The following PRKCH variants were observed in gnomAD, a reference collection of about 807,000 sequenced individuals.
PRKCH encodes protein kinase C eta, also known as protein kinase C eta type.
Under a neutral mutation model 82.5 loss-of-function variants are expected in PRKCH, and 28 were observed. The observed-to-expected ratio is 0.34, with a 90% CI of 0.25 to 0.47. PRKCH has a LOEUF of 0.47. PRKCH is among the 20% of genes least tolerant of loss of function. The pLI is 1.00. For synonymous variants in PRKCH, 322 were observed against 327.4 expected (o/e 0.98, Z 0.18); for missense variants, 705 against 881.8 (o/e 0.80, Z 2.54).
chr14:61,519,317 G>GAATGAATGAATA (rs547220185), intron 10 of PRKCH, among the ~76,000 whole-genome samples: 1 of 115,122 alleles, frequency 8.7e-6, no homozygotes, highest in East Asian at 2.6e-4. Context: ...ATGAATGAAT[G>GAATGAATGAATA]AATAAATAAA....
chr14:61,308,383 G>A (rs1351746298), intron 1 of PRKCH, among the ~76,000 whole-genome samples: 1 of 152,020 alleles, frequency 6.6e-6, no homozygotes, highest in Non-Finnish European at 1.5e-5. Context: ...TCAGTTGTTC[G>A]GACTCTTAAA....
At chr14:61,426,219 G>A (rs1883099978) in intron 2 of PRKCH, among the ~76,000 whole-genome samples, 1 of 152,160 alleles carries the variant, frequency 6.6e-6, no homozygotes, top group African/African-American at 2.4e-5. Context: ...ACTTTCATTT[G>A]GCTTCTTCAT....
intron 1 of PRKCH, among the ~76,000 whole-genome samples, chr14:61,220,941 G>A (rs1285351440): frequency 6.6e-6 from 1 of 152,154 alleles, no homozygotes; most frequent in Non-Finnish European, 1.5e-5. Context: ...CGGGAAAGGG[G>A]AAGGGTTGGC....
intron 9 of PRKCH, among the ~76,000 whole-genome samples, chr14:61,467,090 G>T (rs1566898696): frequency 6.6e-6 from 1 of 152,188 alleles, no homozygotes; most frequent in Non-Finnish European, 1.5e-5. Flanking sequence ...TAGCGAAGAA[G>T]TGGGAGAGGC....
intron 9 of PRKCH, among the ~76,000 whole-genome samples, chr14:61,480,839 G>C (rs1428247611): frequency 6.6e-6 from 1 of 152,180 alleles, no homozygotes; most frequent in African/African-American, 2.4e-5. Context: ...TCCAGCGCTT[G>C]ACAACCTGCC....
intron 2 of PRKCH, among the ~76,000 whole-genome samples, chr14:61,408,789 C>A (rs1882100254): frequency 6.6e-6 from 1 of 152,164 alleles, no homozygotes; most frequent in Admixed American, 6.5e-5. Flanking sequence ...ATTACAGATG[C>A]CCCCTTTCTC....
chr14:61,268,847 C>T (rs912798637), intron 1 of PRKCH, among the ~76,000 whole-genome samples: 2 of 152,198 alleles, frequency 1.3e-5, no homozygotes, highest in African/African-American at 2.4e-5. Flanking sequence ...TGGAAAGACT[C>T]TGGAGGCTTT....
At chr14:61,426,239 C>T (rs567704558) in intron 2 of PRKCH, among the ~76,000 whole-genome samples, 1 of 152,342 alleles carries the variant, frequency 6.6e-6, no homozygotes, top group African/African-American at 2.4e-5. Context: ...TGTAGAGGAA[C>T]ATTTACATGT....
At chr14:61,252,196 C>T (rs1362255359) in intron 1 of PRKCH, among the ~76,000 whole-genome samples, 3 of 152,138 alleles carry the variant, frequency 2.0e-5, no homozygotes, top group African/African-American at 7.2e-5. Context: ...CAGATTGCTT[C>T]CCTCAGTATG....
intron 2 of PRKCH, among the ~76,000 whole-genome samples, chr14:61,409,110 C>G (rs1036787693): frequency 2.0e-5 from 3 of 152,164 alleles, no homozygotes; most frequent in African/African-American, 7.2e-5. Flanking sequence ...CTTGAGGGTC[C>G]AGCTAATTGA....
chr14:61,482,606 A>T (rs561191628), intron 9 of PRKCH, among the ~76,000 whole-genome samples: 3 of 152,174 alleles, frequency 2.0e-5, no homozygotes, highest in Admixed American at 6.5e-5. Context: ...AGAGTTGCTC[A>T]TAACCTGAGG....
chr14:61,282,225 A>T (rs1317929137), intron 1 of PRKCH, among the ~76,000 whole-genome samples: 1 of 151,320 alleles, frequency 6.6e-6, no homozygotes, highest in African/African-American at 2.4e-5. Context: ...AGGATTTATT[A>T]TAAAAAGAAC....
At chr14:61,380,551 G>A (rs748544421) in intron 1 of PRKCH, among the ~76,000 whole-genome samples, 1 of 152,166 alleles carries the variant, frequency 6.6e-6, no homozygotes, top group Non-Finnish European at 1.5e-5. Flanking sequence ...TGATGGGCTG[G>A]GCTTGGTCTC....
At chr14:61,483,292 C>G (rs1886065260) in intron 9 of PRKCH, among the ~76,000 whole-genome samples, 1 of 152,242 alleles carries the variant, frequency 6.6e-6, no homozygotes, top group Non-Finnish European at 1.5e-5. Context: ...TTAGAAAATA[C>G]AGGACAGCCA....
intron 1 of PRKCH, among the ~76,000 whole-genome samples, chr14:61,355,163 C>G (rs1025677241): frequency 6.6e-6 from 1 of 152,052 alleles, no homozygotes; most frequent in Non-Finnish European, 1.5e-5. Flanking sequence ...TCCAGCAAGT[C>G]ATTTAATGTC....
At chr14:61,352,677 A>AAAG (rs1302314335) in intron 1 of PRKCH, among the ~76,000 whole-genome samples, 21 of 131,532 alleles carry the variant, frequency 1.6e-4, no homozygotes, top group Non-Finnish European at 3.1e-4. Flanking sequence ...AGAGAGAGAG[A>AAAG]GAGAAAGGAA....
intron 1 of PRKCH, among the ~76,000 whole-genome samples, chr14:61,193,046 G>T (rs2044417105): frequency 2.0e-5 from 3 of 152,144 alleles, no homozygotes. Context: ...TATTTAGAGG[G>T]AATAATTAAA....
At chr14:61,272,344 CTTTTTTTTT>C (rs1162331604) in intron 1 of PRKCH, among the ~76,000 whole-genome samples, 3 of 23,582 alleles carry the variant, frequency 1.3e-4, no homozygotes, top group Admixed American at 5.7e-4. Flanking sequence ...TTTTTTCTTT[CTTTTTTTTT>C]TTTTTTTTTT....
At chr14:61,233,580 G>C (rs2140060950) in intron 1 of PRKCH, among the ~76,000 whole-genome samples, 1 of 152,226 alleles carries the variant, frequency 6.6e-6, no homozygotes. Flanking sequence ...ACCTCATCTT[G>C]AATTGTAGTT....
Sources: gnomAD v4.1 joint callset for allele counts (sites outside exome capture counted in the v4.1 genomes callset) on GRCh38, gnomAD v4.1.1 for gene constraint, MANE v1.5 for transcripts, NCBI Gene and HGNC (gene_info 2026-07-23, HGNC 2026-07-21) for gene names.